RTF1: variants seen among roughly 807,000 people sequenced by gnomAD.
RTF1 encodes the protein RNA polymerase-associated protein RTF1 homolog.
RTF1 carries 10 observed loss-of-function variants against 95.7 expected under a neutral mutation model. The observed-to-expected ratio is 0.10, with a 90% confidence interval of 0.06 to 0.18. The LOEUF (loss-of-function observed/expected upper bound fraction) is 0.18, where lower values mean the gene tolerates loss of function less well. Ranked by LOEUF, RTF1 falls within the 10% of genes least tolerant of loss-of-function variation. RTF1 has a pLI of 1.00. For synonymous variants in RTF1, 305 were observed against 311.8 expected, an observed-to-expected ratio of 0.98 and a Z score of 0.23; for missense variants, 458 against 875.6, an observed-to-expected ratio of 0.52 and a Z score of 6.02.
At chr15:41,447,809 T>C (rs190848518) in intron 2 of RTF1, among the ~76,000 whole-genome samples, 16 of 152,306 alleles carry the variant, frequency 1.1e-4, no homozygotes, top group African/African-American at 3.8e-4. Flanking sequence ...GGCTTATGTT[T>C]GGTGCATTTG....
intron 2 of RTF1, among the ~76,000 whole-genome samples, chr15:41,452,387 A>T (rs2050793279): frequency 6.6e-6 from 1 of 152,086 alleles, no homozygotes; most frequent in Non-Finnish European, 1.5e-5. Context: ...TAAGAGCCCG[A>T]GATCGCACCA....
At chr15:41,459,090 G>C (rs549276507) in intron 4 of RTF1, among the ~76,000 whole-genome samples, 1 of 150,966 alleles carries the variant, frequency 6.6e-6, no homozygotes, top group Admixed American at 6.6e-5. Context: ...AAAAATAAAG[G>C]GAATTACAGG....
intron 4 of RTF1, among the ~76,000 whole-genome samples, chr15:41,462,204 T>C (rs1276208021): frequency 6.6e-6 from 1 of 152,224 alleles, no homozygotes; most frequent in African/African-American, 2.4e-5. Flanking sequence ...ATTTCCTGAA[T>C]CTTTTTTACT....
At chr15:41,418,318 G>T (rs1363456296) in intron 1 of RTF1, among the ~76,000 whole-genome samples, 2 of 152,142 alleles carry the variant, frequency 1.3e-5, no homozygotes, top group African/African-American at 4.8e-5. Flanking sequence ...TGAATTCTAG[G>T]CTGGGCTTAT....
At chr15:41,426,825 GTAATTTTTGTTTGTTTGTT>G (rs2050635406) in intron 1 of RTF1, among the ~76,000 whole-genome samples, 1 of 132,434 alleles carries the variant, frequency 7.6e-6, no homozygotes, top group Non-Finnish European at 1.6e-5. Context: ...GTGTGTGTGT[GTAATTTTTGTTTGTTTGTT>G]TGTTTGTTTG....
intron 2 of RTF1, among the ~76,000 whole-genome samples, chr15:41,451,913 A>G: frequency 6.6e-6 from 1 of 152,138 alleles, no homozygotes; most frequent in Non-Finnish European, 1.5e-5. Flanking sequence ...TAAAACATAC[A>G]TGAGCTGGGT....
chr15:41,441,637 T>C (rs2050736408), intron 2 of RTF1, among the ~76,000 whole-genome samples: 1 of 152,174 alleles, frequency 6.6e-6, no homozygotes, highest in Admixed American at 6.6e-5. Context: ...TGCAGCTGCT[T>C]AATGAAGTAA....
intron 2 of RTF1, among the ~76,000 whole-genome samples, chr15:41,447,461 A>G (rs1375507093): frequency 1.3e-5 from 2 of 152,120 alleles, no homozygotes; most frequent in Non-Finnish European, 2.9e-5. Context: ...GGAATATAGT[A>G]CTCACCTTCC....
Position 41,479,086 on chromosome 15 carries a change from C to T in RTF1, c.1819-17C>T, listed in dbSNP as rs541576655. 129 of 1,588,886 alleles carry T rather than the reference C, an allele frequency of 8.1e-5. 1 individual carries two copies. The South Asian group carries it at 1.3e-3, about 17-fold the overall frequency. ...GAGTGTCAAGCAATCTCTAAAACAA[C>T]TTATTTTCTCTCTCAGTCCAGAGAC... On this transcript the variant is annotated splice_polypyrimidine_tract_variant and intron_variant, in intron 15 of 17. Coordinates refer to ENST00000389629, the MANE Select transcript of RTF1 (RefSeq NM_015138.5).
chr15:41,438,385 A>T lies in RTF1; in HGVS notation c.263A>T (p.Gln88Leu). ...DSEEKEPPVS[Q>L]PAASSDSETS... ...GAGGAGAAGGAGCCGCCTGTGAGTC[A>T]GCCTGCAGCCTCGTCAGACTCGGAG... Residue 88 changes from glutamine to leucine, a missense_variant, in exon 2 of 18, where the codon CAG becomes CTG. Transcript: ENST00000389629. The T allele has an allele frequency of 1.3e-6, 2 of 1,551,338 alleles. No homozygotes were observed. Among genetic ancestry groups the T allele is most frequent in the Non-Finnish European group, 1.7e-6 (2 of 1,146,714 alleles).
chr15:41,445,892 C>T (rs552663452), intron 2 of RTF1, among the ~76,000 whole-genome samples: 103 of 152,050 alleles, frequency 6.8e-4, no homozygotes, highest in Non-Finnish European at 1.2e-3. Flanking sequence ...CATGCTACCA[C>T]GCCCAGCTAA....
At chr15:41,474,832 T>C in intron 9 of RTF1, 130 bp downstream of exon 9, 1 of 724,418 alleles carries the variant, frequency 1.4e-6, no homozygotes, top group East Asian at 2.6e-5. Context: ...CAAGGTACAC[T>C]TGGAGGGAGA....
chr15:41,449,304 C>T lies in RTF1; in HGVS notation c.310-3597C>T, dbSNP rs183940418. ...GGAGTGCAGTGGTACGAACTCGGCT[C>T]ACTGCAAGCTCCGCCTCCCGGGTTC... On this transcript the variant is annotated intron_variant, in intron 2 of 17. Transcript: ENST00000389629. Among the ~76,000 whole-genome samples the T allele has an allele frequency of 2.9e-3, 431 of 146,676 alleles. 1 individual carries two copies. Among genetic ancestry groups the T allele is most frequent in the Non-Finnish European group, 4.3e-3 (289 of 67,466 alleles).
At chr15:41,437,685 T>C (rs910317341) in intron 1 of RTF1, among the ~76,000 whole-genome samples, 5 of 152,098 alleles carry the variant, frequency 3.3e-5, no homozygotes, top group African/African-American at 1.2e-4. Flanking sequence ...AGTCATGGCT[T>C]ACTTACTGGT....
At chr15:41,437,939 A>C (rs1017269455) in intron 1 of RTF1, among the ~76,000 whole-genome samples, 1 of 152,208 alleles carries the variant, frequency 6.6e-6, no homozygotes, top group Non-Finnish European at 1.5e-5. Context: ...CAATTTTACC[A>C]TTAAAATACT....
intron 7 of RTF1, 63 bp from the exon 8 acceptor site, chr15:41,471,109 T>A: frequency 6.8e-7 from 1 of 1,471,832 alleles, no homozygotes; most frequent in Non-Finnish European, 9.2e-7. Flanking sequence ...GTTGATATTA[T>A]TTTTCTGTCT....
intron 4 of RTF1, among the ~76,000 whole-genome samples, chr15:41,461,919 T>TC (rs1758318933): frequency 6.6e-6 from 1 of 150,700 alleles, no homozygotes. Flanking sequence ...AATTTTTTTT[T>TC]CTTTTTTTTT....
intron 3 of RTF1, among the ~76,000 whole-genome samples, chr15:41,453,899 G>C (rs990921533): frequency 6.6e-6 from 1 of 151,982 alleles, no homozygotes; most frequent in Non-Finnish European, 1.5e-5. Flanking sequence ...GGCCTAACCC[G>C]GTTTTGAGCA....
chr15:41,420,323 G>C lies in RTF1; in HGVS notation c.198+3010G>C, dbSNP rs561504457. Among the ~76,000 whole-genome samples, 33 of 152,228 alleles carry C rather than the reference G, an allele frequency of 2.2e-4. No individual in the cohort carries two copies. The East Asian group carries it at 2.3e-3, about 11-fold the overall frequency. ...ACAGGGGTATTGATGCCTTCAGTTTGTCTGTTCAGCACTATGCCAGACTCT... is the reference window on the plus strand; with the variant it reads ...ACAGGGGTATTGATGCCTTCAGTTTCTCTGTTCAGCACTATGCCAGACTCT... On this transcript the variant is annotated intron_variant, in intron 1 of 17. Transcript: ENST00000389629.
Sources: allele counts gnomAD v4.1 joint callset (sites outside exome capture counted in the v4.1 genomes callset), GRCh38; gene constraint gnomAD v4.1.1; transcripts MANE v1.5; gene names NCBI Gene and HGNC (gene_info 2026-07-23, HGNC 2026-07-21).